Variants in DAPP1 observed in about 807,000 individuals in gnomAD.
DAPP1 encodes the protein dual adaptor of phosphotyrosine and 3-phosphoinositides 1.
A neutral mutation model predicts 41.5 loss-of-function variants in DAPP1; 20 were observed. The observed-to-expected ratio is 0.48, with a 90% confidence interval of 0.34 to 0.70. The LOEUF (loss-of-function observed/expected upper bound fraction) is 0.70. Among genes scored for constraint, DAPP1 ranks in the 30% least tolerant of loss-of-function variants. DAPP1 has a pLI of 0.01. For synonymous variants in DAPP1, 113 were observed against 116.2 expected (o/e 0.97, Z 0.18); for missense variants, 233 against 333.4 (o/e 0.70, Z 2.35).
intron 1 of DAPP1, among the ~76,000 whole-genome samples, chr4:99,830,642 G>A (rs962428005): frequency 2.1e-4 from 32 of 151,972 alleles, no homozygotes; most frequent in South Asian, 4.2e-4. Flanking sequence ...TCTCATACAC[G>A]CCTTGCATTC....
rs191124493 is a variant in DAPP1, at chr4:99,833,862, C to T, written c.102-1761C>T. ...TCAATGGCTTCCTGGTAGCAATTAA[C>T]GCATACTAAGCACTGCTTTAGTTGC... is the stretch of plus-strand genomic sequence containing the variant. On this transcript the variant is annotated intron_variant, in intron 1 of 8. Transcript: ENST00000512369. Among the ~76,000 whole-genome samples, 30 of 152,246 alleles carry T rather than the reference C, an allele frequency of 2.0e-4. 1 individual carries two copies. In the South Asian group the frequency reaches 3.5e-3, roughly 18 times the overall value.
At chr4:99,819,249 G>C (rs929586160) in intron 1 of DAPP1, among the ~76,000 whole-genome samples, 2 of 152,074 alleles carry the variant, frequency 1.3e-5, no homozygotes, top group African/African-American at 4.8e-5. Context: ...AGAACCCTCA[G>C]ATGTATGGCT....
chr4:99,824,142 C>T (rs1722863425), intron 1 of DAPP1, among the ~76,000 whole-genome samples: 1 of 152,164 alleles, frequency 6.6e-6, no homozygotes, highest in African/African-American at 2.4e-5. Context: ...GATGTCAGTC[C>T]TGAGGTACTA....
At chr4:99,852,457 T>C (rs1485284617) in intron 3 of DAPP1, among the ~76,000 whole-genome samples, 1 of 152,204 alleles carries the variant, frequency 6.6e-6, no homozygotes, top group African/African-American at 2.4e-5. Context: ...GACTCAGAAC[T>C]GCTCTGAGCC....
At chr4:99,848,287 G>A (rs1233583978) in intron 3 of DAPP1, among the ~76,000 whole-genome samples, 1 of 150,976 alleles carries the variant, frequency 6.6e-6, no homozygotes, top group Non-Finnish European at 1.5e-5. Flanking sequence ...GAGTGCAGTG[G>A]CACGATCTCG....
chr4:99,836,312 G>A (rs1247709635), intron 2 of DAPP1, among the ~76,000 whole-genome samples: 2 of 152,042 alleles, frequency 1.3e-5, no homozygotes, highest in South Asian at 2.1e-4. Context: ...GATCTTTCAG[G>A]TCCTCCCCAC....
intron 3 of DAPP1, 87 bp downstream of exon 3, chr4:99,840,509 G>T: frequency 1.4e-6 from 2 of 1,400,978 alleles, no homozygotes; most frequent in Non-Finnish European, 1.9e-6. Flanking sequence ...GAATGTCATT[G>T]TTGTCATTTA....
At chr4:99,830,434 G>T (rs1723084104) in intron 1 of DAPP1, among the ~76,000 whole-genome samples, 1 of 152,120 alleles carries the variant, frequency 6.6e-6, no homozygotes, top group African/African-American at 2.4e-5. Context: ...TAAGGTCCAT[G>T]CAATTAGATT....
At chr4:99,835,879 T>G in intron 2 of DAPP1, 134 bp downstream of exon 2, 1 of 1,178,042 alleles carries the variant, frequency 8.5e-7, no homozygotes, top group Non-Finnish European at 1.2e-6. Flanking sequence ...TTCCAAACTC[T>G]AAATGATGAG....
chr4:99,832,684 T>C (rs1200017587), intron 1 of DAPP1, among the ~76,000 whole-genome samples: 11 of 152,274 alleles, frequency 7.2e-5, no homozygotes, highest in Non-Finnish European at 1.2e-4. Context: ...GTGTTTATGG[T>C]ATATAGTTAT....
chr4:99,852,961 C>T (rs1356123730), intron 3 of DAPP1, among the ~76,000 whole-genome samples: 1 of 152,190 alleles, frequency 6.6e-6, no homozygotes, highest in Non-Finnish European at 1.5e-5. Flanking sequence ...TCTCATCACC[C>T]TGTTCATTTA....
At chr4:99,841,501 A>G (rs1723496050) in intron 3 of DAPP1, among the ~76,000 whole-genome samples, 2 of 152,210 alleles carry the variant, frequency 1.3e-5, no homozygotes, top group African/African-American at 2.4e-5. Context: ...AATTCTCCCA[A>G]TCAACCCTGA....
intron 3 of DAPP1, among the ~76,000 whole-genome samples, chr4:99,843,441 T>A (rs1723561550): frequency 6.6e-6 from 1 of 152,262 alleles, no homozygotes; most frequent in Non-Finnish European, 1.5e-5. Flanking sequence ...GATTTCTGTT[T>A]GCTAATCTGA....
chr4:99,824,264 C>T (rs896869110), intron 1 of DAPP1, among the ~76,000 whole-genome samples: 2 of 152,158 alleles, frequency 1.3e-5, no homozygotes, highest in Admixed American at 1.3e-4. Flanking sequence ...TCTGAGCATA[C>T]CACTTGATAA....
chr4:99,865,452 T>A (rs1724390777), intron 7 of DAPP1: 4 of 152,228 alleles, frequency 2.6e-5, no homozygotes, highest in African/African-American at 7.2e-5. Flanking sequence ...TGGCCAGAGA[T>A]GGGAGAAATA....
chr4:99,853,685 G>A (rs560535129), intron 4 of DAPP1, among the ~76,000 whole-genome samples: 23 of 152,248 alleles, frequency 1.5e-4, no homozygotes, highest in Admixed American at 7.8e-4. Context: ...TGGGCATGGT[G>A]GCATGCACCT....
At chr4:99,838,439 C>A (rs56996205) in intron 2 of DAPP1, among the ~76,000 whole-genome samples, 7,729 of 152,176 alleles carry the variant, frequency 0.051, 387 homozygotes, top group East Asian at 0.24. Context: ...CACTTTGGTA[C>A]GTGTTGTAGA....
chr4:99,844,308 G>A (rs1219371470), intron 3 of DAPP1: 1 of 152,176 alleles, frequency 6.6e-6, no homozygotes, highest in Non-Finnish European at 1.5e-5. Flanking sequence ...TCACCTCAGT[G>A]GGCAGGCCGG....
chr4:99,831,634 C>G (rs77433278), intron 1 of DAPP1, among the ~76,000 whole-genome samples: 1,699 of 152,274 alleles, frequency 0.011, 40 homozygotes, highest in African/African-American at 0.038. Context: ...TAGGTGGAAA[C>G]TAGAAGAGGA....
Sources: allele counts gnomAD v4.1 joint callset (sites outside exome capture counted in the v4.1 genomes callset), GRCh38; gene constraint gnomAD v4.1.1; transcripts MANE v1.5; gene names NCBI Gene and HGNC (gene_info 2026-07-23, HGNC 2026-07-21).